PXDNL: variants seen among roughly 807,000 people sequenced by gnomAD.
PXDNL encodes probable oxidoreductase PXDNL.
PXDNL carries 145 observed loss-of-function variants against 150.8 expected under a neutral mutation model. The ratio of observed to expected loss-of-function variants is 0.96; its 90% CI spans 0.84 to 1.10. PXDNL has a LOEUF of 1.10. PXDNL is among the 50% of genes least tolerant of loss of function. The pLI, the probability that PXDNL is intolerant of heterozygous loss-of-function variation, is 0.00. For synonymous variants in PXDNL, 757 were observed against 725.7 expected (o/e 1.04, Z -0.69); for missense variants, 2,087 against 1,873.9 (o/e 1.11, Z -2.10).
At chr8:51,598,738 G>A (rs552505412) in intron 2 of PXDNL, among the ~76,000 whole-genome samples, 1 of 152,176 alleles carries the variant, frequency 6.6e-6, no homozygotes, top group African/African-American at 2.4e-5. Flanking sequence ...GCGTATCTAG[G>A]TGATGCTGGC....
rs112963676 is a variant in PXDNL at position 51,491,101 on chromosome 8, AT to A, written c.453-7388del. Reference sequence around the variant, plus strand: ...AGACTGGCTTAGCCTCCCAGACTACATTTTTCTACTGAGCTGCATTCTTCTT... The same window carrying A: ...AGACTGGCTTAGCCTCCCAGACTACATTTTCTACTGAGCTGCATTCTTCTT... On this transcript the variant is annotated intron_variant, in intron 5 of 22. Coordinates refer to ENST00000356297, the MANE Select transcript of PXDNL (RefSeq NM_144651.5). Among the ~76,000 whole-genome samples, 943 of 152,206 alleles carry A rather than the reference AT, an allele frequency of 6.2e-3. 4 individuals are homozygous for A. Among genetic ancestry groups the A allele is most frequent in the African/African-American group, 0.022 (899 of 41,534 alleles).
Position 51,758,498 on chromosome 8 carries a change from C to T in PXDNL, c.164+50683G>A, listed in dbSNP as rs191147787. ...TGATATGGTTAAGCTTTGTGTCCCA[C>T]CCAAATCTCATCTTGAATTATAATC... On this transcript the variant is annotated intron_variant, in intron 1 of 22. Transcript: ENST00000356297. Among the ~76,000 whole-genome samples the T allele has an allele frequency of 1.8e-4, 27 of 152,344 alleles. No individual in the cohort carries two copies. In the East Asian group the frequency reaches 5.2e-3, roughly 29 times the overall value.
chr8:51,370,663 CTG>C (rs1386610218), intron 19 of PXDNL, among the ~76,000 whole-genome samples: 2 of 152,230 alleles, frequency 1.3e-5, no homozygotes, highest in Non-Finnish European at 2.9e-5. Context: ...ATGGCACAAT[CTG>C]GGCTCACTGC....
intron 1 of PXDNL, among the ~76,000 whole-genome samples, chr8:51,748,573 T>A (rs1404190575): frequency 1.3e-5 from 2 of 152,158 alleles, no homozygotes; most frequent in African/African-American, 4.8e-5. Context: ...CTGTCCTGGA[T>A]TAGCAAGAAC....
intron 3 of PXDNL, among the ~76,000 whole-genome samples, chr8:51,561,488 T>C (rs1585581210): frequency 6.6e-6 from 1 of 152,072 alleles, no homozygotes; most frequent in East Asian, 1.9e-4. Flanking sequence ...TCTGGAAAGA[T>C]GAGATAGCAA....
chr8:51,622,707 C>CA (rs1463079202), intron 2 of PXDNL, among the ~76,000 whole-genome samples: 1 of 152,210 alleles, frequency 6.6e-6, no homozygotes, highest in Admixed American at 6.5e-5. Context: ...GTGATCAATA[C>CA]AAATAGCTCA....
At chr8:51,486,091 A>T (rs1293061382) in intron 5 of PXDNL, among the ~76,000 whole-genome samples, 1 of 152,322 alleles carries the variant, frequency 6.6e-6, no homozygotes, top group East Asian at 1.9e-4. Flanking sequence ...CAGTAGAAAG[A>T]CTGTTGTTCT....
chr8:51,794,983 G>A (rs1399215752), intron 1 of PXDNL, among the ~76,000 whole-genome samples: 4 of 151,434 alleles, frequency 2.6e-5, no homozygotes, highest in African/African-American at 9.7e-5. Flanking sequence ...ATGGAAAGTA[G>A]GAAAAAGCAT....
chr8:51,526,059 C>T (rs945698974), intron 4 of PXDNL, among the ~76,000 whole-genome samples: 1 of 152,180 alleles, frequency 6.6e-6, no homozygotes, highest in Non-Finnish European at 1.5e-5. Context: ...TTCCCCCTCA[C>T]CGAAATGAAA....
intron 17 of PXDNL, among the ~76,000 whole-genome samples, chr8:51,390,121 T>C (rs934724521): frequency 6.6e-6 from 1 of 152,114 alleles, no homozygotes; most frequent in Non-Finnish European, 1.5e-5. Flanking sequence ...TCATTGTTAA[T>C]GAGAAAATGA....
At chr8:51,362,486 C>T (rs138407887) in intron 19 of PXDNL, among the ~76,000 whole-genome samples, 2 of 152,362 alleles carry the variant, frequency 1.3e-5, no homozygotes, top group African/African-American at 4.8e-5. Context: ...ACATTAGAAA[C>T]TCTTGCCATT....
At chr8:51,390,845 T>C (rs1807878378) in intron 17 of PXDNL, among the ~76,000 whole-genome samples, 1 of 152,092 alleles carries the variant, frequency 6.6e-6, no homozygotes, top group African/African-American at 2.4e-5. Context: ...GCTGCACCCA[T>C]TAACTCGTCA....
At chr8:51,691,054 A>G (rs1815985680) in intron 1 of PXDNL, among the ~76,000 whole-genome samples, 13 of 152,164 alleles carry the variant, frequency 8.5e-5, no homozygotes, top group Admixed American at 8.5e-4. Flanking sequence ...AGTTCATTGT[A>G]GATTCTGGAT....
intron 1 of PXDNL, among the ~76,000 whole-genome samples, chr8:51,780,302 G>A (rs1382594453): frequency 2.0e-5 from 3 of 152,116 alleles, no homozygotes; most frequent in Non-Finnish European, 2.9e-5. Context: ...GCACAATAAA[G>A]TTTGAGGGAC....
chr8:51,595,868 T>C (rs1813551856), intron 2 of PXDNL, among the ~76,000 whole-genome samples: 1 of 152,158 alleles, frequency 6.6e-6, no homozygotes, highest in Admixed American at 6.5e-5. Flanking sequence ...AAGGAAGTCA[T>C]CAGGCTGATT....
intron 6 of PXDNL, among the ~76,000 whole-genome samples, chr8:51,482,501 A>T (rs897383377): frequency 2.6e-5 from 4 of 152,082 alleles, no homozygotes; most frequent in African/African-American, 9.7e-5. Context: ...GGAAGGCATG[A>T]TTTGTTTTCA....
chr8:51,796,338 C>A (rs2037559856), intron 1 of PXDNL, among the ~76,000 whole-genome samples: 2 of 138,538 alleles, frequency 1.4e-5, no homozygotes, highest in African/African-American at 2.7e-5. Flanking sequence ...CACACAACAA[C>A]AACAACCAAA....
At chr8:51,456,770 G>T (rs968934754) in intron 9 of PXDNL, among the ~76,000 whole-genome samples, 1 of 152,116 alleles carries the variant, frequency 6.6e-6, no homozygotes, top group Non-Finnish European at 1.5e-5. Flanking sequence ...CTAGGAATTG[G>T]CCATGGTGAG....
At chr8:51,576,497 A>T (rs1176446225) in intron 3 of PXDNL, among the ~76,000 whole-genome samples, 3 of 151,882 alleles carry the variant, frequency 2.0e-5, no homozygotes, top group Non-Finnish European at 4.4e-5. Flanking sequence ...ACAACATCAA[A>T]AATTAATGGG....
Sources: allele counts gnomAD v4.1 joint callset (sites outside exome capture counted in the v4.1 genomes callset), GRCh38; gene constraint gnomAD v4.1.1; transcripts MANE v1.5; gene names NCBI Gene and HGNC (gene_info 2026-07-23, HGNC 2026-07-21).